SEL1L2: variants seen among roughly 807,000 people sequenced by gnomAD.
SEL1L2 encodes the protein protein sel-1 homolog 2.
A neutral mutation model predicts 98.8 loss-of-function variants in SEL1L2; 89 were observed. That is an observed-to-expected ratio of 0.90 (90% CI 0.76 to 1.07). The LOEUF is 1.07. SEL1L2 is among the 50% of genes least tolerant of loss of function. The pLI is 0.00. For missense variants in SEL1L2, 788 were observed against 812.0 expected (o/e 0.97, Z 0.36); for synonymous variants, 262 against 278.5 (o/e 0.94, Z 0.59).
chr20:13,976,466 G>A (rs946952840), intron 1 of SEL1L2, among the ~76,000 whole-genome samples: 1 of 152,178 alleles, frequency 6.6e-6, no homozygotes, highest in Non-Finnish European at 1.5e-5. Context: ...CTGAAGAACA[G>A]ATTGAGAAAG....
intron 10 of SEL1L2, among the ~76,000 whole-genome samples, chr20:13,879,679 A>T (rs890453715): frequency 3.9e-5 from 6 of 152,138 alleles, no homozygotes; most frequent in African/African-American, 7.2e-5. Flanking sequence ...ATTTTATTTT[A>T]AAAAATAGAA....
intron 15 of SEL1L2, among the ~76,000 whole-genome samples, chr20:13,865,851 G>C (rs1373559112): frequency 6.6e-6 from 1 of 152,002 alleles, no homozygotes; most frequent in Non-Finnish European, 1.5e-5. Context: ...GTGTGTGTGT[G>C]TGTGTGTTCT....
chr20:13,904,173 A>C (rs1184917293), intron 5 of SEL1L2, among the ~76,000 whole-genome samples: 1 of 152,240 alleles, frequency 6.6e-6, no homozygotes, highest in Non-Finnish European at 1.5e-5. Context: ...TATAGCTCTA[A>C]CATGCAGTTT....
upstream of SEL1L2, among the ~76,000 whole-genome samples, chr20:13,991,866 G>A (rs536293993): frequency 2.0e-5 from 3 of 152,208 alleles, no homozygotes; most frequent in East Asian, 1.9e-4. Context: ...GGTGGTATGC[G>A]CCTGTAGTTT....
intron 18 of SEL1L2, 61 bp from the exon 19 acceptor site, chr20:13,850,380 T>C (rs1988042821): frequency 6.4e-7 from 1 of 1,556,188 alleles, no homozygotes; most frequent in African/African-American, 1.4e-5. Context: ...ACAGACACCA[T>C]TGTTCACAAT....
chr20:13,887,880 T>C (rs2047029921), intron 7 of SEL1L2, 30 bp from the exon 8 acceptor site: 1 of 1,605,186 alleles, frequency 6.2e-7, no homozygotes, highest in Non-Finnish European at 8.5e-7. Context: ...ATTCTTAATA[T>C]TCAAGACAAT....
chr20:13,907,452 C>A (rs371057545), intron 5 of SEL1L2, among the ~76,000 whole-genome samples: 55 of 152,090 alleles, frequency 3.6e-4, no homozygotes, highest in African/African-American at 1.1e-3. Context: ...GCTTGCAGTC[C>A]TAGCTACTTG....
chr20:13,882,885 C>G (rs2046776647), intron 10 of SEL1L2, among the ~76,000 whole-genome samples: 2 of 137,670 alleles, frequency 1.5e-5, no homozygotes, highest in African/African-American at 5.4e-5. Flanking sequence ...GGCGGGATCT[C>G]GGCTCACTGC....
At chr20:13,854,665 A>T (rs1041691788) in intron 18 of SEL1L2, among the ~76,000 whole-genome samples, 1 of 152,216 alleles carries the variant, frequency 6.6e-6, no homozygotes, top group African/African-American at 2.4e-5. Flanking sequence ...TTCCTGATAT[A>T]GGAAATAGTC....
intron 17 of SEL1L2, among the ~76,000 whole-genome samples, chr20:13,863,803 C>T (rs1990551023): frequency 6.6e-6 from 1 of 151,964 alleles, no homozygotes; most frequent in Non-Finnish European, 1.5e-5. Flanking sequence ...AATCCCGTCT[C>T]TACTAAAAAT....
intron 2 of SEL1L2, among the ~76,000 whole-genome samples, chr20:13,936,068 G>A (rs139063435): frequency 1.9e-3 from 290 of 152,208 alleles, no homozygotes; most frequent in Non-Finnish European, 2.9e-3. Context: ...GCTCTTCATC[G>A]GAGAAAGAAG....
intron 3 of SEL1L2, among the ~76,000 whole-genome samples, chr20:13,930,903 G>C (rs2049114572): frequency 6.6e-6 from 1 of 151,892 alleles, no homozygotes; most frequent in African/African-American, 2.4e-5. Flanking sequence ...ATTATCATCA[G>C]CACAAATTCT....
chr20:13,888,964 T>TA (rs1330224239), intron 5 of SEL1L2, among the ~76,000 whole-genome samples: 1 of 147,188 alleles, frequency 6.8e-6, no homozygotes, highest in Non-Finnish European at 1.5e-5. Flanking sequence ...TTCTTTTCTT[T>TA]TTTTTTTTTT....
rs532578076 is a variant in SEL1L2, at chr20:13,917,493, A to T, written c.386+1528T>A. Among the ~76,000 whole-genome samples the T allele has an allele frequency of 2.0e-5, 3 of 152,346 alleles. No homozygotes were observed. In the South Asian group the frequency reaches 6.2e-4, roughly 32 times the overall value. On this transcript the variant is annotated intron_variant, in intron 4 of 19. Transcript: ENST00000284951. ...TATCACTGTGAGCAATGAATAATTTACACATGTAAAGTACCTAAAACAGTA... is the reference window on the plus strand; with the variant it reads ...TATCACTGTGAGCAATGAATAATTTTCACATGTAAAGTACCTAAAACAGTA...
intron 5 of SEL1L2, among the ~76,000 whole-genome samples, chr20:13,911,065 T>C (rs2048186626): frequency 6.6e-6 from 1 of 152,236 alleles, no homozygotes; most frequent in African/African-American, 2.4e-5. Flanking sequence ...TCCAATATTC[T>C]AGACTGAGTG....
At chr20:13,930,512 A>C (rs894647554) in intron 3 of SEL1L2, among the ~76,000 whole-genome samples, 5 of 152,260 alleles carry the variant, frequency 3.3e-5, no homozygotes, top group African/African-American at 1.2e-4. Context: ...CAGATGACTC[A>C]ATTTAAATGT....
At chr20:13,857,885 G>A (rs1179842915) in intron 18 of SEL1L2, among the ~76,000 whole-genome samples, 1 of 152,158 alleles carries the variant, frequency 6.6e-6, no homozygotes, top group South Asian at 2.1e-4. Context: ...GCCTGGGGCA[G>A]GGCAGATATC....
intron 3 of SEL1L2, among the ~76,000 whole-genome samples, chr20:13,926,813 A>G (rs1253874545): frequency 6.6e-6 from 1 of 152,218 alleles, no homozygotes; most frequent in African/African-American, 2.4e-5. Flanking sequence ...GCAAAAAGGA[A>G]TGCCAAGACT....
intron 2 of SEL1L2, among the ~76,000 whole-genome samples, chr20:13,940,316 T>C (rs532068974): frequency 1.2e-4 from 18 of 152,266 alleles, no homozygotes; most frequent in African/African-American, 4.1e-4. Flanking sequence ...AAAAAGCAGT[T>C]CTGCAAAGTT....
Sources: gnomAD v4.1 joint callset for allele counts (sites outside exome capture counted in the v4.1 genomes callset) on GRCh38, gnomAD v4.1.1 for gene constraint, MANE v1.5 for transcripts, NCBI Gene and HGNC (gene_info 2026-07-23, HGNC 2026-07-21) for gene names.